NALCN: variants seen among roughly 807,000 people sequenced by gnomAD.
NALCN encodes sodium leak channel, non-selective.
NALCN carries 111 observed loss-of-function variants against 225.3 expected under a neutral mutation model. The ratio of observed to expected loss-of-function variants is 0.49; its 90% CI spans 0.42 to 0.58. The LOEUF is 0.58. Ranked by LOEUF, NALCN falls within the 20% of genes least tolerant of loss-of-function variation. The pLI, the probability that NALCN is intolerant of heterozygous loss-of-function variation, is 0.00. For missense variants in NALCN, 1,378 were observed against 2,202.4 expected (o/e 0.63, Z 7.49); for synonymous variants, 764 against 769.0 (o/e 0.99, Z 0.11).
In NALCN at chr13:101,237,857, T is replaced by A; in HGVS notation, c.1332A>T (p.Gly444=). 6.2e-7 allele frequency: 1 copy of A among 1,605,908 alleles called. No homozygotes were observed. Among genetic ancestry groups the A allele is most frequent in the African/African-American group, 1.3e-5 (1 of 74,382 alleles). ...LLKIWCLGFT[G]YISSSLHKFE... ...ATTTGTGGAGAGATGAGCTAATATA[T>A]CCAGTAAATCCCAAACACCATATCT... Residue 444 remains glycine (G), a synonymous_variant, in exon 12 of 44, where the codon GGA becomes GGT. Transcript: ENST00000251127.
At chr13:101,130,530 A>T (rs2139727438) in intron 17 of NALCN, among the ~76,000 whole-genome samples, 1 of 152,328 alleles carries the variant, frequency 6.6e-6, no homozygotes, top group South Asian at 2.1e-4. Context: ...TCATTGAAAC[A>T]AGATTACTTG....
At chr13:101,161,204 C>A (rs760842903) in intron 15 of NALCN, among the ~76,000 whole-genome samples, 1 of 152,188 alleles carries the variant, frequency 6.6e-6, no homozygotes, top group Non-Finnish European at 1.5e-5. Flanking sequence ...TTGAGAATTA[C>A]ATTGAATGTC....
intron 7 of NALCN, among the ~76,000 whole-genome samples, chr13:101,305,824 T>C (rs1055306754): frequency 3.3e-5 from 5 of 152,240 alleles, no homozygotes; most frequent in African/African-American, 1.2e-4. Context: ...AGCCACTCTG[T>C]GTTGGTCACC....
intron 9 of NALCN, among the ~76,000 whole-genome samples, chr13:101,291,452 C>T (rs967324810): frequency 2.6e-5 from 4 of 152,284 alleles, no homozygotes; most frequent in African/African-American, 7.2e-5. Context: ...AAACCACCCA[C>T]GGAGCTGTTA....
In NALCN at chr13:101,060,275, G is replaced by GTTTTTTTTTTTTTTTTTTTTTTT. The variant is rs771531599; in HGVS notation, c.4756-309_4756-308insAAAAAAAAAAAAAAAAAAAAAAA. 7.5e-5 allele frequency among the ~76,000 whole-genome samples: 6 copies of GTTTTTTTTTTTTTTTTTTTTTTT among 79,854 alleles called. 1 individual carries two copies. The highest frequency in any genetic ancestry group is 6.9e-5 in the Non-Finnish European group (3 of 43,656). 52.4% of individuals were successfully genotyped at this position (79,854 alleles called of 152,430 possible). Reference sequence around the variant, plus strand: ...TTTCTTTTTGTTGTTGGTGTTTTCTGTTTTTTTTTTTTTTTTTTTAGATAG... The same window carrying GTTTTTTTTTTTTTTTTTTTTTTT: ...TTTCTTTTTGTTGTTGGTGTTTTCTGTTTTTTTTTTTTTTTTTTTTTTTTTTTTTTTTTTTTTTTTTTAGATAG... On this transcript the variant is annotated intron_variant, in intron 41 of 43. Coordinates refer to ENST00000251127, the MANE Select transcript of NALCN (RefSeq NM_052867.4).
intron 17 of NALCN, among the ~76,000 whole-genome samples, chr13:101,134,696 T>G (rs2036684001): frequency 6.6e-6 from 1 of 152,134 alleles, no homozygotes; most frequent in Admixed American, 6.6e-5. Context: ...CTAAACAATT[T>G]AAAACTTAAT....
At chr13:101,085,818 T>G (rs114434768) in intron 30 of NALCN, among the ~76,000 whole-genome samples, 2 of 152,178 alleles carry the variant, frequency 1.3e-5, no homozygotes, top group Non-Finnish European at 2.9e-5. Flanking sequence ...CATCTGGAAT[T>G]CATTTTTGAG....
intron 6 of NALCN, among the ~76,000 whole-genome samples, chr13:101,356,983 A>G (rs1880546418): frequency 6.6e-6 from 1 of 152,232 alleles, no homozygotes; most frequent in Admixed American, 6.5e-5. Context: ...ATAAAATTCA[A>G]CAACTCTTCA....
chr13:101,087,680 T>C (rs1011914857), intron 30 of NALCN, among the ~76,000 whole-genome samples: 2 of 152,188 alleles, frequency 1.3e-5, no homozygotes, highest in Non-Finnish European at 2.9e-5. Context: ...TACTCTTTCC[T>C]ACCTGCAGAA....
intron 6 of NALCN, among the ~76,000 whole-genome samples, chr13:101,353,486 T>A (rs78110179): frequency 0.032 from 4,914 of 152,276 alleles, 271 homozygotes; most frequent in African/African-American, 0.11. Flanking sequence ...TGCTTTGGAA[T>A]ACTAATCCCA....
At chr13:101,323,917 G>A (rs2044846164) in intron 7 of NALCN, among the ~76,000 whole-genome samples, 4 of 152,120 alleles carry the variant, frequency 2.6e-5, no homozygotes, top group African/African-American at 4.8e-5. Context: ...CCATTTTGTT[G>A]TAGAGTAGTA....
At chr13:101,346,087 C>CTCTA in intron 6 of NALCN, among the ~76,000 whole-genome samples, 1,505 of 70,882 alleles carry the variant, frequency 0.021, 25 homozygotes, top group Non-Finnish European at 0.029. Context: ...CTCTCTCTCT[C>CTCTA]TATATATATA....
chr13:101,321,940 T>C (rs2044760033), intron 7 of NALCN, among the ~76,000 whole-genome samples: 1 of 152,320 alleles, frequency 6.6e-6, no homozygotes, highest in Middle Eastern at 3.4e-3. Context: ...GTATTTCTTA[T>C]GTAATTGAGT....
chr13:101,283,046 C>A (rs2043218291), intron 10 of NALCN, among the ~76,000 whole-genome samples: 1 of 152,132 alleles, frequency 6.6e-6, no homozygotes, highest in Admixed American at 6.5e-5. Context: ...ATGGAAACCA[C>A]CCCTTGCGAG....
chr13:101,119,462 T>G (rs1367197226), intron 18 of NALCN, among the ~76,000 whole-genome samples: 1 of 152,212 alleles, frequency 6.6e-6, no homozygotes, highest in Non-Finnish European at 1.5e-5. Flanking sequence ...GTTATAAATA[T>G]ATTGTCCTCA....
intron 10 of NALCN, among the ~76,000 whole-genome samples, chr13:101,279,657 A>T (rs1332331812): frequency 7.3e-6 from 1 of 136,082 alleles, no homozygotes; most frequent in Non-Finnish European, 1.7e-5. Flanking sequence ...TCTACTAAAA[A>T]TACAAAAAAA....
chr13:101,223,249 C>T (rs1594469840), intron 13 of NALCN, among the ~76,000 whole-genome samples: 1 of 152,196 alleles, frequency 6.6e-6, no homozygotes, highest in East Asian at 1.9e-4. Context: ...CCCATCAATG[C>T]TCTATTTGCC....
At chr13:101,169,341 A>C (rs893470576) in intron 15 of NALCN, among the ~76,000 whole-genome samples, 21 of 142,402 alleles carry the variant, frequency 1.5e-4, no homozygotes, top group African/African-American at 5.1e-4. Flanking sequence ...TATTTTTAAA[A>C]ATATTTTTAT....
At chr13:101,282,505 CA>C (rs2043199836) in intron 10 of NALCN, among the ~76,000 whole-genome samples, 1 of 151,962 alleles carries the variant, frequency 6.6e-6, no homozygotes, top group Non-Finnish European at 1.5e-5. Context: ...GGGCTGGGGA[CA>C]GGGGGTAGAA....
Sources: allele counts gnomAD v4.1 joint callset (sites outside exome capture counted in the v4.1 genomes callset), GRCh38; gene constraint gnomAD v4.1.1; transcripts MANE v1.5; gene names NCBI Gene and HGNC (gene_info 2026-07-23, HGNC 2026-07-21).